The following PALLD variants were observed in gnomAD, a reference collection of about 807,000 sequenced individuals.
PALLD encodes the protein palladin.
In PALLD, 61 loss-of-function variants were observed where a neutral mutation model predicts 123.5. The ratio of observed to expected loss-of-function variants is 0.49; its 90% CI spans 0.40 to 0.61. PALLD has a LOEUF of 0.61. Ranked by LOEUF, PALLD falls within the 20% of genes least tolerant of loss-of-function variation. The pLI is 0.00. For missense variants in PALLD, 1,273 were observed against 1,377.0 expected, an observed-to-expected ratio of 0.92 and a Z score of 1.20; for synonymous variants, 465 against 496.4, an observed-to-expected ratio of 0.94 and a Z score of 0.84.
intron 2 of PALLD, among the ~76,000 whole-genome samples, chr4:168,525,967 A>G (rs1016018819): frequency 1.3e-5 from 2 of 152,196 alleles, no homozygotes; most frequent in Non-Finnish European, 2.9e-5. Context: ...TGCCAATTTT[A>G]AAATTTTATA....
chr4:168,915,064 A>G (rs971852010), intron 16 of PALLD, among the ~76,000 whole-genome samples: 6 of 152,194 alleles, frequency 3.9e-5, no homozygotes, highest in African/African-American at 1.2e-4. Flanking sequence ...GCCTTTCCTT[A>G]TATCAGTGGG....
chr4:168,836,904 A>G (rs1488286083), intron 10 of PALLD, among the ~76,000 whole-genome samples: 1 of 152,210 alleles, frequency 6.6e-6, no homozygotes, highest in Non-Finnish European at 1.5e-5. Flanking sequence ...ATAGTACCAT[A>G]GAACCAAACC....
Position 168,668,382 on chromosome 4 carries a change from C to T in PALLD, c.1087+14C>T. The T allele has an allele frequency of 6.3e-7, 1 of 1,587,842 alleles. No individual in the cohort carries two copies. The highest frequency in any genetic ancestry group is 1.2e-5 in the South Asian group (1 of 86,354). The stretch of plus-strand genomic sequence containing the variant: ...TGTTCATTGAAGGTAAGGAGGGGTG[C>T]CTGGTAATGGGGGATAAAGGGGTGT... On this transcript the variant is annotated intron_variant, in intron 3 of 21. Transcript: ENST00000505667.
At chr4:168,579,669 C>T (rs909276871) in intron 2 of PALLD, among the ~76,000 whole-genome samples, 6 of 151,778 alleles carry the variant, frequency 4.0e-5, no homozygotes, top group Non-Finnish European at 5.9e-5. Flanking sequence ...GGTAGCTTAA[C>T]GGGGCATTGT....
Position 168,926,747 on chromosome 4 carries a change from A to G in PALLD, c.*567A>G, listed in dbSNP as rs745743529. The G allele has an allele frequency of 7.8e-5, 20 of 257,502 alleles. No homozygotes were observed. Among genetic ancestry groups the G allele is most frequent in the Non-Finnish European group, 1.1e-4 (15 of 133,128 alleles). The allele number at this position is 257,502 out of a possible 1,614,324, so 16.0% of individuals were successfully genotyped here. Reference sequence around the variant, plus strand: ...CAAGATATAGGTGCTGTGTAGCCTGATAGTGTGAAATGTTTAATGAGGGAG... The same window carrying G: ...CAAGATATAGGTGCTGTGTAGCCTGGTAGTGTGAAATGTTTAATGAGGGAG... On this transcript the variant is annotated 3_prime_UTR_variant, in exon 22 of 22. Coordinates refer to ENST00000505667, the MANE Select transcript of PALLD (RefSeq NM_001166108.2).
chr4:168,711,860 C>T lies in PALLD; in HGVS notation c.1901C>T (p.Pro634Leu). 2 of 1,614,136 alleles carry T rather than the reference C, an allele frequency of 1.2e-6. No individual in the cohort carries two copies. Among genetic ancestry groups the T allele is most frequent in the Non-Finnish European group, 8.5e-7 (1 of 1,180,020 alleles). ...NGKANSNKSL[P>L]TPAVLLSPTK... ...AAAGCTAACAGTAATAAATCTCTTC[C>T]AACACCAGCTGTCCTGCTTTCACCC... Residue 634 changes from proline to leucine, a missense_variant, in exon 10 of 22, where the codon CCA becomes CTA. Physicochemically the swap from Pro to Leu is moderately conservative, Grantham distance 98. Around this residue, in one of 2 missense-constraint regions of PALLD, gnomAD observed 944 missense variants for 954.5 expected, o/e 0.99. Transcript: ENST00000505667.
At chr4:168,678,376 C>A (rs1175237894) in intron 3 of PALLD, among the ~76,000 whole-genome samples, 3 of 152,162 alleles carry the variant, frequency 2.0e-5, no homozygotes, top group African/African-American at 7.2e-5. Context: ...CTTTCTAACC[C>A]AGCGTCCATC....
In PALLD at chr4:168,888,179, A is replaced by G. The variant is rs533483350; in HGVS notation, c.1965-2743A>G. Among the ~76,000 whole-genome samples the G allele has an allele frequency of 7.9e-5, 12 of 152,318 alleles. No homozygotes were observed. In the South Asian group the frequency reaches 1.0e-3, roughly 13 times the overall value. ...GAAATTGAAGTTATAAATAATTCCT[A>G]TGGTTCTTACTGTCTCAGGGTCTCC... On this transcript the variant is annotated intron_variant, in intron 10 of 21. Coordinates refer to ENST00000505667, the MANE Select transcript of PALLD (RefSeq NM_001166108.2).
intron 2 of PALLD, among the ~76,000 whole-genome samples, chr4:168,519,449 T>C (rs957004355): frequency 2.6e-5 from 4 of 152,230 alleles, no homozygotes; most frequent in African/African-American, 7.2e-5. Context: ...ATCGGATAGG[T>C]TGGCTTTTAG....
At chr4:168,507,688 C>G (rs1185619013) in intron 1 of PALLD, 1 of 188,820 alleles carries the variant, frequency 5.3e-6, no homozygotes, top group Non-Finnish European at 1.1e-5. Context: ...AATCAGTTAT[C>G]TCTCAAAAAT....
intron 3 of PALLD, among the ~76,000 whole-genome samples, chr4:168,672,559 C>T (rs540724465): frequency 5.3e-5 from 8 of 152,002 alleles, no homozygotes; most frequent in South Asian, 4.2e-4. Flanking sequence ...TCCGGGTTCA[C>T]GCCATTCTCC....
chr4:168,861,865 A>G (rs7657218), intron 10 of PALLD, among the ~76,000 whole-genome samples: 87,255 of 151,580 alleles, frequency 0.58, 28,593 homozygotes, highest in East Asian at 0.89. Flanking sequence ...TTTGTTGCCA[A>G]TGCTGGTCTC....
chr4:168,627,793 A>G (rs1456110044), intron 2 of PALLD, among the ~76,000 whole-genome samples: 3 of 152,244 alleles, frequency 2.0e-5, no homozygotes, highest in African/African-American at 4.8e-5. Context: ...CAAGAACCCA[A>G]TAAAATATGG....
intron 2 of PALLD, among the ~76,000 whole-genome samples, chr4:168,609,428 A>G (rs1773521637): frequency 6.6e-6 from 1 of 150,900 alleles, no homozygotes; most frequent in African/African-American, 2.4e-5. Flanking sequence ...ACATCTGTAC[A>G]TTGTCCTTCA....
chr4:168,526,514 TC>T (rs1208678371), intron 2 of PALLD, among the ~76,000 whole-genome samples: 1 of 151,734 alleles, frequency 6.6e-6, no homozygotes, highest in Non-Finnish European at 1.5e-5. Context: ...CCTTTTTCAC[TC>T]CCCATATTTA....
chr4:168,614,944 G>T (rs1234436852), intron 2 of PALLD, among the ~76,000 whole-genome samples: 1 of 152,052 alleles, frequency 6.6e-6, no homozygotes, highest in African/African-American at 2.4e-5. Flanking sequence ...ATAGGCTGTG[G>T]GTATTTAAAA....
chr4:168,896,208 C>CA (rs35567491), intron 12 of PALLD, among the ~76,000 whole-genome samples: 92,170 of 132,004 alleles, frequency 0.7, 32,041 homozygotes, highest in East Asian at 0.93. Context: ...GACTCCATCT[C>CA]AAAAAAAAAA....
intron 2 of PALLD, among the ~76,000 whole-genome samples, chr4:168,566,882 T>C (rs1768444590): frequency 6.6e-6 from 1 of 152,134 alleles, no homozygotes; most frequent in African/African-American, 2.4e-5. Context: ...ATAGTGTGGA[T>C]TGGTCAGGCC....
intron 2 of PALLD, among the ~76,000 whole-genome samples, chr4:168,568,885 G>T (rs1768682972): frequency 6.6e-6 from 1 of 151,868 alleles, no homozygotes; most frequent in African/African-American, 2.4e-5. Flanking sequence ...GAGTTGGGGT[G>T]TGTGAGTTGT....
Sources: allele counts gnomAD v4.1 joint callset (sites outside exome capture counted in the v4.1 genomes callset), GRCh38; gene constraint gnomAD v4.1.1; regional missense constraint gnomAD v4.1.1; transcripts MANE v1.5; gene names NCBI Gene and HGNC (gene_info 2026-07-23, HGNC 2026-07-21).